KCTD1: variants seen among roughly 807,000 people sequenced by gnomAD.
The protein encoded by KCTD1 is BTB/POZ domain-containing protein KCTD1.
KCTD1 carries 24 observed loss-of-function variants against 66.0 expected under a neutral mutation model. The observed-to-expected ratio is 0.36, with a 90% confidence interval of 0.26 to 0.51. The LOEUF is 0.51. Among genes scored for constraint, KCTD1 ranks in the 20% least tolerant of loss-of-function variants. The pLI, the probability that KCTD1 is intolerant of heterozygous loss-of-function variation, is 0.95. For synonymous variants in KCTD1, 511 were observed against 517.2 expected, an observed-to-expected ratio of 0.99 and a Z score of 0.16; for missense variants, 943 against 1,205.2, an observed-to-expected ratio of 0.78 and a Z score of 3.22.
chr18:26,570,409 T>TA (rs981630594), intron 1 of KCTD1, among the ~76,000 whole-genome samples: 1 of 151,984 alleles, frequency 6.6e-6, no homozygotes, highest in African/African-American at 2.4e-5. Flanking sequence ...AACTCTCTAT[T>TA]ACTTTCTTTC....
Position 26,548,282 on chromosome 18 carries a change from CAG to C in KCTD1, c.253_254del (p.Leu85GlyfsTer156). The C allele has an allele frequency of 6.6e-7, 1 of 1,512,862 alleles. No homozygotes were observed. The highest frequency in any genetic ancestry group is 1.2e-5 in the South Asian group (1 of 80,932). The allele number at this position is 1,512,862 out of a possible 1,614,324, so 93.7% of individuals were successfully genotyped here. A position where few individuals can be genotyped will look rare whatever the true frequency, so the allele number is the denominator to read the frequency against. On this transcript the variant is annotated frameshift_variant, in exon 1 of 5. Transcript: ENST00000580059. LOFTEE classifies it high-confidence loss of function. ...EEEEEDGGGG[L>X]EEDEEEEEEE... Reference sequence around the variant, plus strand: ...CTTCCTCCTCCTCCTCGTCCTCCTCCAGCCCCCCACCTCCGTCCTCCTCCTCC... The same window carrying C: ...CTTCCTCCTCCTCCTCGTCCTCCTCCCCCCCCACCTCCGTCCTCCTCCTCC...
chr18:26,515,669 C>G (rs1462615422), intron 1 of KCTD1, among the ~76,000 whole-genome samples: 4 of 152,010 alleles, frequency 2.6e-5, no homozygotes, highest in Non-Finnish European at 5.9e-5. Flanking sequence ...GCCACCAAGC[C>G]CGGCTAATTT....
At chr18:26,461,276 A>G (rs1980410343) in intron 3 of KCTD1, among the ~76,000 whole-genome samples, 1 of 152,238 alleles carries the variant, frequency 6.6e-6, no homozygotes, top group African/African-American at 2.4e-5. Flanking sequence ...TTAGCTGGGT[A>G]ATCCACTTTC....
At chr18:26,471,820 T>C (rs923663193) in intron 3 of KCTD1, among the ~76,000 whole-genome samples, 28 of 152,276 alleles carry the variant, frequency 1.8e-4, no homozygotes, top group African/African-American at 6.5e-4. Flanking sequence ...ATAGTTTCAA[T>C]GCAGAGAACA....
chr18:26,605,582 G>A (rs1036538499), intron 1 of KCTD1, among the ~76,000 whole-genome samples: 14 of 152,022 alleles, frequency 9.2e-5, no homozygotes, highest in African/African-American at 3.4e-4. Flanking sequence ...TGGCTTCCAA[G>A]TTTCATTCAT....
intron 1 of KCTD1, among the ~76,000 whole-genome samples, chr18:26,535,114 T>TGGGGGGG (rs1984633313): frequency 9.0e-6 from 1 of 110,792 alleles, no homozygotes. Context: ...GGTTGGGGGG[T>TGGGGGGG]GGGGGTGGAG....
chr18:26,585,105 G>T (rs1305233281), intron 1 of KCTD1, among the ~76,000 whole-genome samples: 1 of 152,076 alleles, frequency 6.6e-6, no homozygotes, highest in Non-Finnish European at 1.5e-5. Context: ...CCCGATACCA[G>T]GCTGGAGGTT....
chr18:26,463,976 A>G (rs1294161329), intron 3 of KCTD1, among the ~76,000 whole-genome samples: 1 of 152,196 alleles, frequency 6.6e-6, no homozygotes, highest in Non-Finnish European at 1.5e-5. Context: ...TGGGTGGTGG[A>G]CTCCAAAATG....
At chr18:26,645,841 A>G (rs1432884727) in intron 1 of KCTD1, among the ~76,000 whole-genome samples, 1 of 152,214 alleles carries the variant, frequency 6.6e-6, no homozygotes, top group African/African-American at 2.4e-5. Flanking sequence ...CTCAGGCCTC[A>G]CCCTAGACCT....
chr18:26,502,525 C>T (rs758068998), intron 1 of KCTD1, among the ~76,000 whole-genome samples: 1 of 152,166 alleles, frequency 6.6e-6, no homozygotes, highest in Non-Finnish European at 1.5e-5. Context: ...TAAATTATTA[C>T]ATCCTTTCCA....
intron 1 of KCTD1, among the ~76,000 whole-genome samples, chr18:26,634,770 G>A (rs937081399): frequency 9.9e-5 from 15 of 152,024 alleles, no homozygotes; most frequent in East Asian, 3.9e-4. Context: ...TCTATTTTAC[G>A]GAGAAGAAAC....
At chr18:26,623,281 A>G (rs1457240951) in intron 1 of KCTD1, among the ~76,000 whole-genome samples, 2 of 152,160 alleles carry the variant, frequency 1.3e-5, no homozygotes, top group African/African-American at 4.8e-5. Flanking sequence ...CCTAATGTCT[A>G]TCAAATAATG....
intron 2 of KCTD1, among the ~76,000 whole-genome samples, chr18:26,490,808 A>G (rs1982157412): frequency 6.6e-6 from 1 of 152,012 alleles, no homozygotes; most frequent in African/African-American, 2.4e-5. Context: ...TCTGAAGTAC[A>G]GTAGTGTGAT....
upstream of KCTD1, among the ~76,000 whole-genome samples, chr18:26,550,583 C>CAG (rs1411075583): frequency 6.6e-6 from 1 of 151,226 alleles, no homozygotes; most frequent in East Asian, 1.9e-4. The surrounding 1 kb of genome is among the most constrained non-coding windows in gnomAD (Gnocchi z 5.4). Flanking sequence ...CACACACACA[C>CAG]ACACACACAC....
At chr18:26,477,271 CA>C (rs896967224) in intron 2 of KCTD1, among the ~76,000 whole-genome samples, 1 of 152,022 alleles carries the variant, frequency 6.6e-6, no homozygotes, top group Non-Finnish European at 1.5e-5. Context: ...GGCACCATTA[CA>C]AAAAAAATTT....
At chr18:26,586,911 T>A (rs1451007099) in intron 1 of KCTD1, among the ~76,000 whole-genome samples, 3 of 152,174 alleles carry the variant, frequency 2.0e-5, no homozygotes, top group African/African-American at 7.2e-5. Context: ...AAAGAAACCA[T>A]CTCCGTAACA....
chr18:26,592,310 T>C (rs1043629251), intron 1 of KCTD1, among the ~76,000 whole-genome samples: 3 of 152,352 alleles, frequency 2.0e-5, no homozygotes, highest in African/African-American at 7.2e-5. Context: ...TGCAGTGAAG[T>C]GTAAGAAGAT....
At chr18:26,601,326 T>TTAAAAAAAAAAAAA (rs1555646203) in intron 1 of KCTD1, among the ~76,000 whole-genome samples, 3 of 93,248 alleles carry the variant, frequency 3.2e-5, no homozygotes, top group Non-Finnish European at 5.9e-5. Flanking sequence ...TGTTCATTGG[T>TTAAAAAAAAAAAAA]AAAAAAAAAA....
At chr18:26,514,217 T>C (rs12608091) in intron 1 of KCTD1, among the ~76,000 whole-genome samples, 68,670 of 151,910 alleles carry the variant, frequency 0.45, 16,570 homozygotes, top group East Asian at 0.61. Flanking sequence ...GGTGCCAAGT[T>C]TTCCAAAAGA....
Sources: allele counts gnomAD v4.1 joint callset (sites outside exome capture counted in the v4.1 genomes callset), GRCh38; gene constraint gnomAD v4.1.1; non-coding constraint Gnocchi (gnomAD v3.1); transcripts MANE v1.5; gene names NCBI Gene and HGNC (gene_info 2026-07-23, HGNC 2026-07-21).